The following SOX5 variants were observed in gnomAD, a reference collection of about 807,000 sequenced individuals.
SOX5 encodes transcription factor SOX-5.
In SOX5, 9 loss-of-function variants were observed where a neutral mutation model predicts 92.0. The ratio of observed to expected loss-of-function variants is 0.10; its 90% CI spans 0.06 to 0.17. The LOEUF (loss-of-function observed/expected upper bound fraction) is 0.17. SOX5 is among the 10% of genes least tolerant of loss of function. SOX5 has a pLI of 1.00. For synonymous variants in SOX5, 344 were observed against 336.3 expected, an observed-to-expected ratio of 1.02 and a Z score of -0.25; for missense variants, 642 against 944.5, an observed-to-expected ratio of 0.68 and a Z score of 4.20.
intron 3 of SOX5, among the ~76,000 whole-genome samples, chr12:23,838,848 G>GGGGA (rs2096472197): frequency 9.4e-6 from 1 of 106,768 alleles, no homozygotes. Flanking sequence ...TTTTTTGGGG[G>GGGGA]GGGGGGGCGG....
At chr12:24,090,373 C>T (rs569944636) in intron 4 of SOX5, among the ~76,000 whole-genome samples, 2 of 151,994 alleles carry the variant, frequency 1.3e-5, no homozygotes, top group Admixed American at 1.3e-4. Flanking sequence ...CCACTGAGAA[C>T]GCTTGTAGAA....
chr12:23,905,539 T>C (rs1359835321), intron 1 of SOX5, among the ~76,000 whole-genome samples: 2 of 152,206 alleles, frequency 1.3e-5, no homozygotes, highest in Non-Finnish European at 2.9e-5. Context: ...TATTAATCCA[T>C]ACTTACTATG....
At chr12:23,636,152 A>C (rs1454057333) in intron 8 of SOX5, among the ~76,000 whole-genome samples, 1 of 152,194 alleles carries the variant, frequency 6.6e-6, no homozygotes. Flanking sequence ...TGTGTAAAGA[A>C]AAAGACAGAT....
At chr12:23,574,013 T>C (rs1948757655) in intron 10 of SOX5, among the ~76,000 whole-genome samples, 1 of 151,578 alleles carries the variant, frequency 6.6e-6, no homozygotes, top group Non-Finnish European at 1.5e-5. Flanking sequence ...TATTATAATA[T>C]TAATATCAGT....
intron 1 of SOX5, among the ~76,000 whole-genome samples, chr12:23,918,410 T>A (rs1011292811): frequency 6.6e-6 from 1 of 152,212 alleles, no homozygotes; most frequent in Non-Finnish European, 1.5e-5. Context: ...AAGTCTTAAA[T>A]TACTAGTTAA....
chr12:23,878,645 T>C (rs1458901411), intron 2 of SOX5, among the ~76,000 whole-genome samples: 1 of 152,142 alleles, frequency 6.6e-6, no homozygotes, highest in Non-Finnish European at 1.5e-5. Flanking sequence ...CCATAAAATA[T>C]TAATCTTTTA....
At chr12:23,776,871 C>A (rs2141658858) in intron 3 of SOX5, among the ~76,000 whole-genome samples, 1 of 152,278 alleles carries the variant, frequency 6.6e-6, no homozygotes, top group Admixed American at 6.5e-5. Context: ...AGGCCACGGA[C>A]CAGTACTGGT....
intron 1 of SOX5, among the ~76,000 whole-genome samples, chr12:24,398,117 T>A (rs1960537559): frequency 6.6e-6 from 1 of 152,208 alleles, no homozygotes; most frequent in South Asian, 2.1e-4. Context: ...CCCAAAGTGC[T>A]GGTATTACAG....
At chr12:24,035,767 GT>G (rs1490909153) in intron 4 of SOX5, among the ~76,000 whole-genome samples, 1 of 151,896 alleles carries the variant, frequency 6.6e-6, no homozygotes, top group Non-Finnish European at 1.5e-5. Context: ...TTCTACAACT[GT>G]TTTCCCTGCT....
chr12:24,242,001 A>C (rs976473863), intron 3 of SOX5, among the ~76,000 whole-genome samples: 1 of 152,226 alleles, frequency 6.6e-6, no homozygotes, highest in Non-Finnish European at 1.5e-5. Flanking sequence ...ATCATTTTTC[A>C]CTATCCAGCT....
intron 3 of SOX5, among the ~76,000 whole-genome samples, chr12:24,248,240 T>G (rs970699418): frequency 6.6e-6 from 1 of 152,196 alleles, no homozygotes; most frequent in African/African-American, 2.4e-5. Context: ...GGGCATGTAG[T>G]AATTTGCCTT....
intron 4 of SOX5, among the ~76,000 whole-genome samples, chr12:24,011,790 C>A (rs766336704): frequency 1.5e-4 from 23 of 152,068 alleles, no homozygotes; most frequent in Non-Finnish European, 3.2e-4. Context: ...TATTTATTAT[C>A]TTGGTCAACT....
chr12:23,637,272 T>C (rs556408446), intron 8 of SOX5, among the ~76,000 whole-genome samples: 51 of 152,304 alleles, frequency 3.3e-4, no homozygotes, highest in African/African-American at 1.2e-3. Flanking sequence ...ACTGCTGCCT[T>C]ATCGAGTATA....
intron 13 of SOX5, among the ~76,000 whole-genome samples, chr12:23,538,610 C>T (rs1941160641): frequency 6.6e-6 from 1 of 151,980 alleles, no homozygotes; most frequent in Non-Finnish European, 1.5e-5. Flanking sequence ...CTAGAACAAC[C>T]GTTTTCATTG....
intron 1 of SOX5, among the ~76,000 whole-genome samples, chr12:24,500,291 C>A (rs1175812475): frequency 1.3e-5 from 2 of 152,048 alleles, no homozygotes; most frequent in Non-Finnish European, 2.9e-5. Context: ...TTAGCCCGTT[C>A]TTGTTTATTT....
intron 7 of SOX5, among the ~76,000 whole-genome samples, chr12:23,652,104 T>G (rs2081647047): frequency 6.6e-6 from 1 of 152,092 alleles, no homozygotes; most frequent in South Asian, 2.1e-4. Flanking sequence ...CTTCTCCTAC[T>G]CTTTAGTTCT....
At chr12:24,336,549 A>C (rs760025460) in intron 2 of SOX5, among the ~76,000 whole-genome samples, 1 of 152,210 alleles carries the variant, frequency 6.6e-6, no homozygotes, top group Non-Finnish European at 1.5e-5. Context: ...ACATTTTTAC[A>C]TGAAGACTCA....
At chr12:23,952,873 C>T (rs1945836397), upstream of SOX5, among the ~76,000 whole-genome samples, 1 of 152,102 alleles carries the variant, frequency 6.6e-6, no homozygotes, top group South Asian at 2.1e-4. Flanking sequence ...TGGTTAGTAG[C>T]CCATTTGTTG....
chr12:24,056,643 T>C (rs1958134301), intron 4 of SOX5, among the ~76,000 whole-genome samples: 1 of 152,088 alleles, frequency 6.6e-6, no homozygotes, highest in Non-Finnish European at 1.5e-5. Context: ...CAAACTTCTA[T>C]GGGCCTCTTA....
Sources: gnomAD v4.1 joint callset for allele counts (sites outside exome capture counted in the v4.1 genomes callset) on GRCh38, gnomAD v4.1.1 for gene constraint, MANE v1.5 for transcripts, NCBI Gene and HGNC (gene_info 2026-07-23, HGNC 2026-07-21) for gene names.